SELENOO: variants seen among roughly 807,000 people sequenced by gnomAD.
SELENOO encodes the protein protein adenylyltransferase SelO, mitochondrial.
A neutral mutation model predicts 58.7 loss-of-function variants in SELENOO; 74 were observed. That is an observed-to-expected ratio of 1.26 (90% confidence interval 1.04 to 1.53). The LOEUF (loss-of-function observed/expected upper bound fraction) is 1.53. SELENOO is among the 40% of genes most tolerant of loss of function. The pLI, the probability that SELENOO is intolerant of heterozygous loss-of-function variation, is 0.00. For synonymous variants in SELENOO, 543 were observed against 453.2 expected, an observed-to-expected ratio of 1.20 and a Z score of -2.52; for missense variants, 1,149 against 970.0, an observed-to-expected ratio of 1.18 and a Z score of -2.45.
chr22:50,212,628 C>A (rs1440035332), intron 5 of SELENOO, among the ~76,000 whole-genome samples: 1 of 152,160 alleles, frequency 6.6e-6, no homozygotes, highest in Non-Finnish European at 1.5e-5. Context: ...CCCTGCAGCC[C>A]CTGGTAGCAA....
At position 50,217,602 on chromosome 22, in the gene SELENOO, C is replaced by T. The variant is rs2064433586; in HGVS notation, c.*233C>T. ...GCTGGACCCAGGCTCCTAAATAAAC[C>T]AGCAACTCCCTCGAGTCTGTCTCTG... On this transcript the variant is annotated 3_prime_UTR_variant, in exon 9 of 9. Transcript: ENST00000380903. The T allele has an allele frequency of 6.9e-6, 7 of 1,021,166 alleles. No homozygotes were observed. The highest frequency in any genetic ancestry group is 4.2e-4 in the Middle Eastern group (2 of 4,764). The allele number at this position is 1,021,166 out of a possible 1,614,324, so 63.3% of individuals were successfully genotyped here. A position where few individuals can be genotyped will look rare whatever the true frequency, so the allele number is the denominator to read the frequency against.
rs761336574 is a variant in SELENOO, at chr22:50,217,014, C to T, written c.1731C>T (p.Ala577=). Residue 577 remains alanine (A), a synonymous_variant, in exon 8 of 9, where the codon GCC becomes GCT. Transcript: ENST00000380903. The stretch of plus-strand genomic sequence containing the variant: ...ACCTGGAAGGCGCTGGGGACGCTGC[C>T]GCCTGGCAGGCTGAGCACGTGCGCG... The part of the protein sequence containing the change: ...DKDLEGAGDA[A]AWQAEHVRVM... The T allele has an allele frequency of 6.3e-5, 101 of 1,611,530 alleles. No individual in the cohort carries two copies. The highest frequency in any genetic ancestry group is 1.6e-4 in the Middle Eastern group (1 of 6,080).
At chr22:50,216,601 G>A (rs370473953) in intron 6 of SELENOO, 90 bp from the exon 7 acceptor site, 347 of 1,264,692 alleles carry the variant, frequency 2.7e-4, no homozygotes, top group Admixed American at 4.6e-4. Flanking sequence ...TAGGTGAGCC[G>A]TGAGAGCGGG....
At chr22:50,204,559 G>A (rs1303733508) in intron 1 of SELENOO, among the ~76,000 whole-genome samples, 2 of 152,092 alleles carry the variant, frequency 1.3e-5, no homozygotes, top group Non-Finnish European at 2.9e-5. Flanking sequence ...CCCAGGAGGC[G>A]GAGGTTGCAG....
intron 1 of SELENOO, among the ~76,000 whole-genome samples, chr22:50,204,364 C>G (rs4838814): frequency 0.6 from 91,234 of 151,676 alleles, 27,625 homozygotes; most frequent in South Asian, 0.69. Context: ...CAGTGGCTCA[C>G]GCCTGTAATC....
intron 4 of SELENOO, 117 bp downstream of exon 4, chr22:50,210,428 T>C: frequency 7.1e-7 from 1 of 1,404,064 alleles, no homozygotes; most frequent in Non-Finnish European, 9.7e-7. Flanking sequence ...CCGAGGGGGC[T>C]GGGGGCTGAT....
Position 50,201,473 on chromosome 22 carries a change from G to A in SELENOO, c.437G>A (p.Gly146Asp). The change falls in exon 1 of 9, where the codon GGC (glycine) becomes GAC (aspartate). Residue 146 changes from glycine (G) to aspartate (D), a missense_variant. Gly to Asp is a moderately conservative substitution (Grantham distance 94, BLOSUM62 -1). Coordinates refer to ENST00000380903, the MANE Select transcript of SELENOO (RefSeq NM_031454.2). ...CACTGCTACTGCGGCCACCAATTCG[G>A]CCAGTTCGCCGGGCAGCTGGGCGAC... ...AAHCYCGHQF[G>D]QFAGQLGDGA... 4.9e-6 allele frequency: 7 copies of A among 1,422,810 alleles called. No homozygotes were observed. Among genetic ancestry groups the A allele is most frequent in the Non-Finnish European group, 6.4e-6 (7 of 1,086,110 alleles). 88.1% of individuals were successfully genotyped at this position (1,422,810 alleles called of 1,614,324 possible).
At chr22:50,206,894 G>C (rs934430995) in intron 2 of SELENOO, among the ~76,000 whole-genome samples, 3 of 152,098 alleles carry the variant, frequency 2.0e-5, no homozygotes, top group African/African-American at 4.8e-5. Context: ...GGTGCTTCTG[G>C]GGGGGAGGGG....
chr22:50,212,909 C>G (rs544953130), intron 5 of SELENOO, among the ~76,000 whole-genome samples: 2 of 152,220 alleles, frequency 1.3e-5, no homozygotes, highest in Non-Finnish European at 2.9e-5. Context: ...TTTCTTCAGT[C>G]TATTGTCTCC....
At chr22:50,208,923 G>A (rs901112297) in intron 3 of SELENOO, among the ~76,000 whole-genome samples, 1 of 152,204 alleles carries the variant, frequency 6.6e-6, no homozygotes, top group Non-Finnish European at 1.5e-5. Flanking sequence ...CGTGGTGTTG[G>A]GGGCCCTGGG....
rs998608887 is a variant in SELENOO, at chr22:50,201,639, G to A, written c.554+49G>A. 1.1e-4 allele frequency: 129 copies of A among 1,197,634 alleles called. No individual in the cohort carries two copies. In the African/African-American group the frequency reaches 1.9e-3, roughly 18 times the overall value. 74.2% of individuals were successfully genotyped at this position (1,197,634 alleles called of 1,614,324 possible). A position where few individuals can be genotyped will look rare whatever the true frequency, so the allele number is the denominator to read the frequency against. On this transcript the variant is annotated intron_variant, in intron 1 of 8. Transcript: ENST00000380903. ...GCGGGTGGGTCCTCCCCGCCGGGGC[G>A]CCCCTTCCCTCCGCCCGGCGCGGTG...
intron 1 of SELENOO, among the ~76,000 whole-genome samples, chr22:50,203,150 G>A (rs1400975792): frequency 5.3e-5 from 8 of 152,216 alleles, no homozygotes; most frequent in African/African-American, 1.9e-4. Flanking sequence ...AAGGCAGGAG[G>A]ATTGCTTAAG....
intron 1 of SELENOO, among the ~76,000 whole-genome samples, chr22:50,204,295 C>T (rs894874862): frequency 6.6e-6 from 1 of 152,062 alleles, no homozygotes; most frequent in Non-Finnish European, 1.5e-5. Context: ...CACACCACTG[C>T]ACTTCAGCCT....
chr22:50,207,668 C>T (rs555856124), intron 2 of SELENOO, among the ~76,000 whole-genome samples: 1 of 150,254 alleles, frequency 6.7e-6, no homozygotes, highest in Non-Finnish European at 1.5e-5. Flanking sequence ...GAAGTCCACC[C>T]TGTGTGCACA....
intron 3 of SELENOO, 152 bp downstream of exon 3, chr22:50,208,868 A>G (rs561625220): frequency 1.4e-6 from 1 of 701,730 alleles, no homozygotes; most frequent in South Asian, 1.9e-5. Context: ...AAACCCCATC[A>G]TGTGTGCTCG....
At position 50,201,337 on chromosome 22, in the gene SELENOO, C is replaced by T; in HGVS notation, c.301C>T (p.Pro101Ser). The T allele has an allele frequency of 8.6e-7, 1 of 1,165,562 alleles. No individual in the cohort carries two copies. The highest frequency in any genetic ancestry group is 4.1e-5 in the South Asian group (1 of 24,512). The allele number at this position is 1,165,562 out of a possible 1,614,324, so 72.2% of individuals were successfully genotyped here. A position where few individuals can be genotyped will look rare whatever the true frequency, so the allele number is the denominator to read the frequency against. The part of the protein sequence containing the change: ...RQPRLVALSE[P>S]ALALLGLGAP... ...GCCGCGCCTCGTGGCGCTGTCAGAG[C>T]CCGCGCTGGCGTTGCTGGGCCTGGG... Residue 101 changes from proline to serine, a missense_variant, in exon 1 of 9, where the codon CCC (proline) becomes TCC (serine). Pro to Ser is a moderately conservative substitution (Grantham distance 74, BLOSUM62 -1). Transcript: ENST00000380903.
intron 7 of SELENOO, 34 bp downstream of exon 7, chr22:50,216,910 C>T (rs542971998): frequency 4.6e-5 from 73 of 1,601,548 alleles, no homozygotes; most frequent in South Asian, 1.5e-4. Flanking sequence ...CGGGGGACGG[C>T]GGGTCGCGTG....
rs74833777 is a variant in SELENOO, at chr22:50,202,414, C to T, written c.554+824C>T. On this transcript the variant is annotated intron_variant, in intron 1 of 8. Transcript: ENST00000380903. Reference sequence around the variant, plus strand: ...CCCCCGTCTCCAAATCCGTTCTGTTCTGTGTCTGAGGGCAACCTGGCTCTG... The same window carrying T: ...CCCCCGTCTCCAAATCCGTTCTGTTTTGTGTCTGAGGGCAACCTGGCTCTG... 8.4e-3 allele frequency among the ~76,000 whole-genome samples: 1,282 copies of T among 152,160 alleles called. 57 individuals carry two copies. The highest frequency in any genetic ancestry group is 0.061 in the Admixed American group (931 of 15,268).
intron 5 of SELENOO, among the ~76,000 whole-genome samples, chr22:50,212,366 A>ATGTT (rs1232512440): frequency 6.6e-6 from 1 of 152,032 alleles, no homozygotes; most frequent in East Asian, 1.9e-4. Context: ...TTGGTAATTT[A>ATGTT]TGTTTCCAGG....
Sources: allele counts gnomAD v4.1 joint callset (sites outside exome capture counted in the v4.1 genomes callset), GRCh38; gene constraint gnomAD v4.1.1; transcripts MANE v1.5; gene names NCBI Gene and HGNC (gene_info 2026-07-23, HGNC 2026-07-21).